Variants in GLIS3 observed in about 807,000 individuals in gnomAD.
GLIS3 encodes the protein GLIS family zinc finger 3.
A neutral mutation model predicts 78.6 loss-of-function variants in GLIS3; 53 were observed. The observed-to-expected ratio is 0.67, with a 90% CI of 0.54 to 0.85. The LOEUF is 0.85. Among genes scored for constraint, GLIS3 ranks in the 40% least tolerant of loss-of-function variants. The pLI, the probability that GLIS3 is intolerant of heterozygous loss-of-function variation, is 0.00. For synonymous variants in GLIS3, 684 were observed against 509.9 expected (o/e 1.34, Z -4.60); for missense variants, 1,703 against 1,231.1 (o/e 1.38, Z -5.74).
At chr9:3,873,823 T>C (rs959604022) in intron 8 of GLIS3, among the ~76,000 whole-genome samples, 1 of 107,386 alleles carries the variant, frequency 9.3e-6, no homozygotes, top group Non-Finnish European at 1.9e-5. Flanking sequence ...GCCTTCCCAA[T>C]ACTCCATAGA....
At chr9:4,165,629 C>T (rs1835821078) in intron 2 of GLIS3, among the ~76,000 whole-genome samples, 2 of 152,346 alleles carry the variant, frequency 1.3e-5, no homozygotes, top group South Asian at 2.1e-4. Flanking sequence ...ATTCCTGCTC[C>T]GGGCTGATGC....
At chr9:4,017,982 T>C (rs1276138427) in intron 4 of GLIS3, among the ~76,000 whole-genome samples, 1 of 152,162 alleles carries the variant, frequency 6.6e-6, no homozygotes, top group Non-Finnish European at 1.5e-5. Context: ...GCAGGCCTTG[T>C]CCCAAGGCCC....
intron 2 of GLIS3, among the ~76,000 whole-genome samples, chr9:4,238,133 T>G (rs1249141363): frequency 3.3e-5 from 5 of 152,192 alleles, no homozygotes; most frequent in Non-Finnish European, 7.3e-5. Flanking sequence ...AAAAAGCAAC[T>G]GGGACTTCTC....
At chr9:4,465,804 C>G in the GLIS3 span, among the ~76,000 whole-genome samples, 5 of 151,974 alleles carry the variant, frequency 3.3e-5, no homozygotes, top group South Asian at 2.1e-4. Context: ...CTGGCTCTAA[C>G]TAAGTAACAT....
At chr9:4,008,451 G>A (rs191193647) in intron 4 of GLIS3, among the ~76,000 whole-genome samples, 27 of 152,252 alleles carry the variant, frequency 1.8e-4, no homozygotes, top group Admixed American at 1.6e-3. Context: ...TGCTCCCAGT[G>A]TACATTCAAA....
At chr9:4,374,118 T>C in the GLIS3 span, among the ~76,000 whole-genome samples, 32 of 152,350 alleles carry the variant, frequency 2.1e-4, no homozygotes, top group African/African-American at 7.7e-4. Context: ...TATTCCTCTA[T>C]TTAATTTTGC....
At chr9:4,235,272 C>A (rs1822619891) in intron 2 of GLIS3, among the ~76,000 whole-genome samples, 2 of 130,454 alleles carry the variant, frequency 1.5e-5, no homozygotes, top group Non-Finnish European at 1.5e-5. Context: ...GCACTCCAGG[C>A]TGGGCGACAC....
chr9:4,249,037 T>A (rs1824091616), intron 2 of GLIS3, among the ~76,000 whole-genome samples: 1 of 152,214 alleles, frequency 6.6e-6, no homozygotes, highest in African/African-American at 2.4e-5. Context: ...TATACCCTTG[T>A]AGTATAGTTT....
intron 8 of GLIS3, among the ~76,000 whole-genome samples, chr9:3,863,028 G>A (rs1009665556): frequency 7.2e-5 from 11 of 152,150 alleles, no homozygotes; most frequent in Middle Eastern, 3.4e-3. Context: ...TGCAGAGGGG[G>A]AAGAAAGGAA....
chr9:4,030,311 A>G (rs1486982393), intron 4 of GLIS3, among the ~76,000 whole-genome samples: 1 of 152,050 alleles, frequency 6.6e-6, no homozygotes, highest in African/African-American at 2.4e-5. Flanking sequence ...TTTTTTTCCT[A>G]GAGTTATTTG....
intron 4 of GLIS3, among the ~76,000 whole-genome samples, chr9:4,116,543 G>C (rs759291332): frequency 2.0e-5 from 3 of 152,104 alleles, no homozygotes; most frequent in Non-Finnish European, 2.9e-5. Flanking sequence ...ATACCTACCG[G>C]GCAGTGAAAA....
the GLIS3 span, among the ~76,000 whole-genome samples, chr9:4,453,561 C>A: frequency 6.6e-6 from 1 of 152,094 alleles, no homozygotes; most frequent in African/African-American, 2.4e-5. Flanking sequence ...ATGCAGCCAA[C>A]AGACACATGA....
At chr9:4,209,225 C>G (rs1820161384) in intron 2 of GLIS3, among the ~76,000 whole-genome samples, 2 of 152,080 alleles carry the variant, frequency 1.3e-5, no homozygotes, top group East Asian at 1.9e-4. Flanking sequence ...GTAAAATTAC[C>G]CTGAGTTCAT....
At chr9:4,346,045 A>C (rs1817893708) in intron 2 of GLIS3, among the ~76,000 whole-genome samples, 1 of 152,234 alleles carries the variant, frequency 6.6e-6, no homozygotes, top group Admixed American at 6.5e-5. Flanking sequence ...AAATAAATAC[A>C]GACACAGAAG....
the GLIS3 span, among the ~76,000 whole-genome samples, chr9:4,429,575 G>A: frequency 6.6e-5 from 10 of 152,156 alleles, no homozygotes; most frequent in Admixed American, 5.2e-4. Context: ...ATGCTAAGGT[G>A]ATCCACTTCA....
intron 4 of GLIS3, among the ~76,000 whole-genome samples, chr9:3,944,514 G>A (rs558403241): frequency 7.9e-5 from 12 of 152,168 alleles, no homozygotes; most frequent in Non-Finnish European, 1.3e-4. Context: ...TTATTTCTGT[G>A]AGTGGGTAAA....
chr9:3,885,994 T>A (rs368337834), intron 7 of GLIS3, among the ~76,000 whole-genome samples: 1 of 152,226 alleles, frequency 6.6e-6, no homozygotes, highest in Non-Finnish European at 1.5e-5. Context: ...ACGAGGATTA[T>A]AGAATGAGCA....
rs547758307 is a variant in GLIS3 at position 4,320,419 on chromosome 9, C to T, written n.265-9891G>A. On this transcript the variant is annotated intron_variant and non_coding_transcript_variant, in intron 2 of 4. Transcript: ENST00000471664. ...CCTCAAACTGAACTCTTACTTTCCC[C>T]TTCCTGACCCATCCCCACTTTATTG... is the stretch of plus-strand genomic sequence containing the variant. Among the ~76,000 whole-genome samples, 5 of 152,316 alleles carry T rather than the reference C, an allele frequency of 3.3e-5. No homozygotes were observed. The South Asian group carries it at 8.3e-4, about 25-fold the overall frequency.
At chr9:4,027,060 C>T (rs547584009) in intron 4 of GLIS3, among the ~76,000 whole-genome samples, 19 of 152,156 alleles carry the variant, frequency 1.2e-4, no homozygotes, top group Non-Finnish European at 2.2e-4. Flanking sequence ...GTCAACCCTG[C>T]CCCATCTTTC....
Sources: gnomAD v4.1 joint callset for allele counts (sites outside exome capture counted in the v4.1 genomes callset) on GRCh38, gnomAD v4.1.1 for gene constraint, MANE v1.5 for transcripts, NCBI Gene and HGNC (gene_info 2026-07-23, HGNC 2026-07-21) for gene names.